ADGRF4: variants seen among roughly 807,000 people sequenced by gnomAD.
The protein encoded by ADGRF4 is adhesion G protein-coupled receptor F4.
A neutral mutation model predicts 58.5 loss-of-function variants in ADGRF4; 63 were observed. The ratio of observed to expected loss-of-function variants is 1.08; its 90% CI spans 0.88 to 1.33. The LOEUF (loss-of-function observed/expected upper bound fraction) is 1.33. ADGRF4 is among the 40% of genes most tolerant of loss of function. The probability of loss-of-function intolerance (pLI) is 0.00; values close to 1 mark genes in which losing one functional copy is unlikely to be tolerated. For missense variants in ADGRF4, 931 were observed against 843.9 expected, an observed-to-expected ratio of 1.10 and a Z score of -1.28; for synonymous variants, 313 against 295.4, an observed-to-expected ratio of 1.06 and a Z score of -0.61.
chr6:47,710,232 G>A (rs530428424), intron 3 of ADGRF4, among the ~76,000 whole-genome samples: 2 of 152,082 alleles, frequency 1.3e-5, no homozygotes, highest in Non-Finnish European at 2.9e-5. Context: ...TACCTCCTGT[G>A]GATAATGAGA....
At chr6:47,705,211 G>C (rs972799328) in intron 1 of ADGRF4, among the ~76,000 whole-genome samples, 5 of 152,212 alleles carry the variant, frequency 3.3e-5, no homozygotes, top group Admixed American at 1.3e-4. Flanking sequence ...ACAGACATGA[G>C]TTGCCGTGCC....
At chr6:47,718,498 C>T (rs146748843) in intron 9 of ADGRF4, 53 bp downstream of exon 9, 2 of 1,044,368 alleles carry the variant, frequency 1.9e-6, no homozygotes, top group Non-Finnish European at 3.0e-6. Flanking sequence ...TGTCAATCCA[C>T]CAATGCCCCT....
At chr6:47,717,177 T>C (rs1202234385) in intron 7 of ADGRF4, 115 bp from the exon 8 acceptor site, 2 of 786,776 alleles carry the variant, frequency 2.5e-6, no homozygotes, top group East Asian at 4.9e-5. Flanking sequence ...GTCACTATGC[T>C]AAGTCCTCTG....
intron 1 of ADGRF4, among the ~76,000 whole-genome samples, chr6:47,700,950 A>G (rs1051137067): frequency 2.7e-5 from 4 of 150,822 alleles, no homozygotes; most frequent in Admixed American, 1.3e-4. Context: ...TTTTTTGCCT[A>G]TTTCACTAGG....
intron 1 of ADGRF4, among the ~76,000 whole-genome samples, chr6:47,705,654 T>C (rs1771692974): frequency 6.6e-6 from 1 of 152,224 alleles, no homozygotes; most frequent in Non-Finnish European, 1.5e-5. Flanking sequence ...GAAGGCTCAC[T>C]GGACCCAGGA....
chr6:47,706,897 G>A lies in ADGRF4; in HGVS notation c.-16-333G>A, dbSNP rs1304356642. On this transcript the variant is annotated intron_variant, in intron 1 of 9. Transcript: ENST00000283303. ...AAGACAGTGCTTAGAAAAGTTATTG[G>A]CAAATAGATATTCTTGATAAATATG... 3.3e-5 allele frequency among the ~76,000 whole-genome samples: 5 copies of A among 152,164 alleles called. No homozygotes were observed. In the South Asian group the frequency reaches 6.2e-4, roughly 19 times the overall value.
intron 5 of ADGRF4, among the ~76,000 whole-genome samples, chr6:47,713,303 G>A (rs2113903798): frequency 6.6e-6 from 1 of 152,294 alleles, no homozygotes; most frequent in South Asian, 2.1e-4. Context: ...TTTTAAAAGG[G>A]AGATCTGTAG....
chr6:47,712,991 G>C (rs1437185804), intron 5 of ADGRF4, among the ~76,000 whole-genome samples: 1 of 152,188 alleles, frequency 6.6e-6, no homozygotes, highest in Non-Finnish European at 1.5e-5. Context: ...TGAGCGGAGG[G>C]TGAGCGAACA....
At chr6:47,711,055 C>G (rs1195498733) in intron 4 of ADGRF4, among the ~76,000 whole-genome samples, 169 bp downstream of exon 4, 1 of 151,540 alleles carries the variant, frequency 6.6e-6, no homozygotes, top group Admixed American at 6.6e-5. Context: ...CCCAAACTTT[C>G]AGGTACTCTC....
At chr6:47,706,017 C>T (rs1771700419) in intron 1 of ADGRF4, among the ~76,000 whole-genome samples, 1 of 152,146 alleles carries the variant, frequency 6.6e-6, no homozygotes. Flanking sequence ...AATGAATGAT[C>T]ATCTACATTT....
At chr6:47,702,098 C>T (rs1771603280) in intron 1 of ADGRF4, among the ~76,000 whole-genome samples, 1 of 152,222 alleles carries the variant, frequency 6.6e-6, no homozygotes, top group South Asian at 2.1e-4. Flanking sequence ...CTTGGCCTCC[C>T]AAGGTGCTGG....
intron 9 of ADGRF4, 31 bp downstream of exon 9, chr6:47,718,476 AC>A (rs1314405379): frequency 7.6e-7 from 1 of 1,307,748 alleles, no homozygotes; most frequent in African/African-American, 1.5e-5. Context: ...GAGAAATTTC[AC>A]TTGCAATTTG....
At chr6:47,718,515 C>A in intron 9 of ADGRF4, 70 bp downstream of exon 9, 1 of 868,278 alleles carries the variant, frequency 1.2e-6, no homozygotes, top group Non-Finnish European at 2.0e-6. Flanking sequence ...CCCTTGTGAC[C>A]ACACTATTGC....
At chr6:47,701,935 G>T (rs1213385422) in intron 1 of ADGRF4, among the ~76,000 whole-genome samples, 1 of 152,192 alleles carries the variant, frequency 6.6e-6, no homozygotes, top group Non-Finnish European at 1.5e-5. Flanking sequence ...CCAGGTTCAA[G>T]CGATTTGATT....
At chr6:47,708,893 C>T (rs1033210720) in intron 3 of ADGRF4, among the ~76,000 whole-genome samples, 2 of 152,188 alleles carry the variant, frequency 1.3e-5, no homozygotes, top group African/African-American at 2.4e-5. Context: ...CTAACATTTA[C>T]TGGGCATTTA....
chr6:47,704,634 G>A (rs1168136994), intron 1 of ADGRF4, among the ~76,000 whole-genome samples: 1 of 151,898 alleles, frequency 6.6e-6, no homozygotes, highest in Non-Finnish European at 1.5e-5. Context: ...TTTTCAAACT[G>A]CAGGTTACAA....
intron 6 of ADGRF4, 45 bp downstream of exon 6, chr6:47,715,222 C>A (rs1447241964): frequency 3.0e-6 from 4 of 1,354,696 alleles, no homozygotes; most frequent in South Asian, 1.4e-5. Context: ...CCGACTAGAC[C>A]ACAAAAAAAT....
In ADGRF4 at chr6:47,722,009, C is replaced by A. The variant is rs1351108898; in HGVS notation, c.*804C>A. 6.6e-6 allele frequency: 1 copy of A among 152,060 alleles called. No homozygotes were observed. The highest frequency in any genetic ancestry group is 1.5e-5 in the Non-Finnish European group (1 of 68,028). The allele number at this position is 152,060 out of a possible 1,614,324, so 9.4% of individuals were successfully genotyped here. On this transcript the variant is annotated 3_prime_UTR_variant, in exon 10 of 10. Coordinates refer to ENST00000283303, the MANE Select transcript of ADGRF4 (RefSeq NM_153838.5). Reference sequence around the variant, plus strand: ...TTTAGACATAAACGAATATATGTACCTTTCACAACTTGCGCATGTGTGAGT... The same window carrying A: ...TTTAGACATAAACGAATATATGTACATTTCACAACTTGCGCATGTGTGAGT...
intron 2 of ADGRF4, 74 bp from the exon 3 acceptor site, chr6:47,708,150 A>G (rs1771766229): frequency 1.8e-6 from 2 of 1,090,616 alleles, no homozygotes; most frequent in Non-Finnish European, 2.8e-6. Flanking sequence ...TCATATTCAT[A>G]TGGAGCCTCT....
Sources: allele counts gnomAD v4.1 joint callset (sites outside exome capture counted in the v4.1 genomes callset), GRCh38; gene constraint gnomAD v4.1.1; transcripts MANE v1.5; gene names NCBI Gene and HGNC (gene_info 2026-07-23, HGNC 2026-07-21).